The following ERI1 variants were observed in gnomAD, a reference collection of about 807,000 sequenced individuals.
The protein encoded by ERI1 is exoribonuclease 1.
Under a neutral mutation model 39.7 loss-of-function variants are expected in ERI1, and 39 were observed. The observed-to-expected ratio is 0.98, with a 90% CI of 0.76 to 1.28. The LOEUF is 1.28. Among genes scored for constraint, ERI1 ranks in the 50% most tolerant of loss-of-function variants. ERI1 has a pLI of 0.00. For synonymous variants in ERI1, 204 were observed against 149.6 expected (o/e 1.36, Z -2.65); for missense variants, 581 against 416.9 (o/e 1.39, Z -3.43).
chr8:9,076,962 A>G (rs999816979), intron 3 of ERI1, among the ~76,000 whole-genome samples: 6 of 152,232 alleles, frequency 3.9e-5, no homozygotes, highest in African/African-American at 1.4e-4. Context: ...GAATAAAACC[A>G]AAGGTGAGGT....
downstream of ERI1, among the ~76,000 whole-genome samples, chr8:9,033,580 T>TG: frequency 6.6e-6 from 1 of 152,220 alleles, no homozygotes; most frequent in East Asian, 1.9e-4. Flanking sequence ...GGTACAATGA[T>TG]ACTTGCATCA....
intron 3 of ERI1, among the ~76,000 whole-genome samples, chr8:9,094,822 G>C (rs951692733): frequency 8.5e-5 from 13 of 152,176 alleles, no homozygotes; most frequent in African/African-American, 3.1e-4. Flanking sequence ...TAAAGACTCA[G>C]ACAAATATTA....
intron 3 of ERI1, among the ~76,000 whole-genome samples, chr8:9,085,943 G>C (rs1401717178): frequency 6.6e-6 from 1 of 152,106 alleles, no homozygotes; most frequent in African/African-American, 2.4e-5. Flanking sequence ...TTTTTTTAAA[G>C]TGTGTGCATA....
chr8:9,020,065 A>G (rs1447426050), intron 5 of ERI1, among the ~76,000 whole-genome samples: 1 of 152,246 alleles, frequency 6.6e-6, no homozygotes, highest in Non-Finnish European at 1.5e-5. Flanking sequence ...AGCTTAGCAT[A>G]ATACTCAGCA....
At chr8:9,054,547 G>C (rs569793321) in intron 3 of ERI1, among the ~76,000 whole-genome samples, 105 of 152,332 alleles carry the variant, frequency 6.9e-4, no homozygotes, top group Non-Finnish European at 1.2e-3. Context: ...TGTGGCACAG[G>C]AGGCTTCAGG....
intron 3 of ERI1, among the ~76,000 whole-genome samples, chr8:9,071,852 A>C (rs1799061090): frequency 1.3e-5 from 2 of 152,186 alleles, no homozygotes; most frequent in Admixed American, 6.5e-5. Flanking sequence ...GACTGCTTGA[A>C]TCCAGGAGTT....
intron 2 of ERI1, chr8:9,008,926 C>A: frequency 2.3e-6 from 1 of 443,356 alleles, no homozygotes; most frequent in African/African-American, 2.0e-5. Flanking sequence ...TTTAGAGTTT[C>A]ACCACTCTTC....
At chr8:9,091,618 C>G (rs1244408929) in intron 3 of ERI1, 2 of 152,158 alleles carry the variant, frequency 1.3e-5, no homozygotes, top group Non-Finnish European at 2.9e-5. Flanking sequence ...CTTTGCCTTT[C>G]TATAAATGAA....
chr8:9,083,147 T>C (rs1345323456), intron 3 of ERI1, among the ~76,000 whole-genome samples: 6 of 152,366 alleles, frequency 3.9e-5, no homozygotes, highest in African/African-American at 1.4e-4. Context: ...CTTTTATCGC[T>C]CCATTGAATG....
intron 6 of ERI1, 149 bp from the exon 7 acceptor site, chr8:9,029,643 T>A (rs28520356): frequency 0.28 from 263,261 of 956,154 alleles, 39,914 homozygotes; most frequent in Non-Finnish European, 0.31. Flanking sequence ...AATTTTTTAT[T>A]TGCCTTATTT....
At chr8:9,058,925 C>T (rs577566901) in intron 3 of ERI1, among the ~76,000 whole-genome samples, 35 of 152,162 alleles carry the variant, frequency 2.3e-4, no homozygotes, top group African/African-American at 7.2e-4. Flanking sequence ...CATGCGCGTC[C>T]GTGTGAAGAG....
At position 9,011,497 on chromosome 8, in the gene ERI1, C is replaced by G. The variant is rs538969367; in HGVS notation, c.288-45C>G. The G allele has an allele frequency of 4.4e-6, 6 of 1,363,664 alleles. No individual in the cohort carries two copies. The African/African-American group carries it at 8.7e-5, about 20-fold the overall frequency. The allele number at this position is 1,363,664 out of a possible 1,614,324, so 84.5% of individuals were successfully genotyped here. On this transcript the variant is annotated intron_variant, in intron 2 of 6. Coordinates refer to ENST00000250263, the MANE Select transcript of ERI1 (RefSeq NM_153332.4). Reference sequence around the variant, plus strand: ...AGCAGGTGAGAGTTTTGATTCTTGACTGTAGAATTTACCTAAGTGTAACTA... The same window carrying G: ...AGCAGGTGAGAGTTTTGATTCTTGAGTGTAGAATTTACCTAAGTGTAACTA...
chr8:9,026,756 GTGTAA>G (rs942738278), intron 6 of ERI1, among the ~76,000 whole-genome samples: 3 of 152,070 alleles, frequency 2.0e-5, no homozygotes, highest in African/African-American at 7.2e-5. Context: ...TGCAAAAGTG[GTGTAA>G]TGTAAATGTT....
intron 3 of ERI1, among the ~76,000 whole-genome samples, chr8:9,047,614 G>A (rs1798215095): frequency 6.6e-6 from 1 of 152,096 alleles, no homozygotes; most frequent in African/African-American, 2.4e-5. Context: ...TGGGAGGATG[G>A]CTTGAGCCCA....
rs183189270 is a variant in ERI1 at position 9,075,627 on chromosome 8, G to T, written n.300-40721G>T. 2.6e-4 allele frequency among the ~76,000 whole-genome samples: 40 copies of T among 152,118 alleles called. No homozygotes were observed. In the East Asian group the frequency reaches 7.3e-3, roughly 28 times the overall value. On this transcript the variant is annotated intron_variant and non_coding_transcript_variant, in intron 3 of 3. Transcript: ENST00000518663. ...TTGCTTCTAAAGAGACTTACAGGGG[G>T]CTTAGGAAAGCCACAAAGAATCCCC...
At chr8:9,061,364 A>G (rs1798689440) in intron 3 of ERI1, among the ~76,000 whole-genome samples, 2 of 152,190 alleles carry the variant, frequency 1.3e-5, no homozygotes, top group Admixed American at 1.3e-4. Flanking sequence ...TGGGAGACTC[A>G]ACAAAGAGTG....
At chr8:9,034,016 GAGA>G (rs1797754851), downstream of ERI1, among the ~76,000 whole-genome samples, 1 of 152,248 alleles carries the variant, frequency 6.6e-6, no homozygotes, top group African/African-American at 2.4e-5. Flanking sequence ...GGGATAAGTG[GAGA>G]AGGAGAACGA....
chr8:9,007,248 A>G (rs1411722779), intron 1 of ERI1, among the ~76,000 whole-genome samples: 1 of 152,178 alleles, frequency 6.6e-6, no homozygotes, highest in Non-Finnish European at 1.5e-5. Flanking sequence ...GGAAAATGTA[A>G]GTTTTGAAAT....
chr8:9,040,116 GCAGT>G (rs1249097144), intron 3 of ERI1, among the ~76,000 whole-genome samples: 6 of 152,112 alleles, frequency 3.9e-5, no homozygotes, highest in Non-Finnish European at 8.8e-5. Flanking sequence ...GCTGTTTGTA[GCAGT>G]CAGTATTTCT....
Sources: allele counts gnomAD v4.1 joint callset (sites outside exome capture counted in the v4.1 genomes callset), GRCh38; gene constraint gnomAD v4.1.1; transcripts MANE v1.5; gene names NCBI Gene and HGNC (gene_info 2026-07-23, HGNC 2026-07-21).